Variants in STIM1 observed in about 807,000 individuals in gnomAD.
STIM1 encodes the protein stromal interaction molecule 1.
In STIM1, 25 loss-of-function variants were observed where a neutral mutation model predicts 74.7. The ratio of observed to expected loss-of-function variants is 0.33; its 90% CI spans 0.24 to 0.47. The LOEUF is 0.47. Ranked by LOEUF, STIM1 falls within the 20% of genes least tolerant of loss-of-function variation. STIM1 has a pLI of 1.00. For synonymous variants in STIM1, 328 were observed against 348.8 expected, an observed-to-expected ratio of 0.94 and a Z score of 0.66; for missense variants, 728 against 920.8, an observed-to-expected ratio of 0.79 and a Z score of 2.71.
intron 1 of STIM1, among the ~76,000 whole-genome samples, chr11:3,938,119 G>C (rs1427828490): frequency 2.0e-5 from 3 of 151,992 alleles, no homozygotes; most frequent in Non-Finnish European, 2.9e-5. Flanking sequence ...TGTATTTTTA[G>C]TAGAGACAGG....
intron 1 of STIM1, among the ~76,000 whole-genome samples, chr11:3,902,740 G>T (rs372830092): frequency 6.6e-6 from 1 of 152,188 alleles, no homozygotes; most frequent in Non-Finnish European, 1.5e-5. Flanking sequence ...GGAGAAGGTG[G>T]TATCCTGTAC....
chr11:4,001,517 T>A (rs866418992), intron 2 of STIM1, among the ~76,000 whole-genome samples: 1 of 152,082 alleles, frequency 6.6e-6, no homozygotes, highest in Admixed American at 6.6e-5. Context: ...AATAAAATAC[T>A]TTACAGACAA....
At chr11:3,880,275 G>A (rs1046630592) in intron 1 of STIM1, among the ~76,000 whole-genome samples, 1 of 152,184 alleles carries the variant, frequency 6.6e-6, no homozygotes, top group Non-Finnish European at 1.5e-5. Context: ...GGTGCCTGAA[G>A]GGCATTAGAA....
At chr11:4,068,275 T>C (rs2094381048) in intron 5 of STIM1, among the ~76,000 whole-genome samples, 1 of 152,202 alleles carries the variant, frequency 6.6e-6, no homozygotes, top group Non-Finnish European at 1.5e-5. Context: ...AGAAACCAAA[T>C]GAAATAACTA....
intron 5 of STIM1, 81 bp downstream of exon 5, chr11:4,059,477 T>C: frequency 1.7e-6 from 2 of 1,196,064 alleles, no homozygotes; most frequent in Non-Finnish European, 2.5e-6. Context: ...GCTAAGGCTC[T>C]GGGTCTCCTA....
At chr11:3,995,730 A>G (rs2093657357) in intron 2 of STIM1, among the ~76,000 whole-genome samples, 1 of 151,770 alleles carries the variant, frequency 6.6e-6, no homozygotes, top group African/African-American at 2.4e-5. Context: ...CTGCAGCCTC[A>G]ACCTCCTGGA....
chr11:4,037,460 G>T (rs1044755365), intron 3 of STIM1, among the ~76,000 whole-genome samples: 2 of 152,134 alleles, frequency 1.3e-5, no homozygotes, highest in Admixed American at 1.3e-4. Context: ...TTGAAGCTCT[G>T]TTACTAGGTG....
rs373673888 is a variant in STIM1, at chr11:3,982,143, C to T, written c.270+14461C>T. Among the ~76,000 whole-genome samples the T allele has an allele frequency of 6.2e-4, 93 of 150,190 alleles. 1 individual carries two copies. The South Asian group carries it at 0.019, about 31-fold the overall frequency. On this transcript the variant is annotated intron_variant, in intron 2 of 12. Transcript: ENST00000526596. ...CTGGGCTCAAGCAATCTTCCAACTA[C>T]AGCCTCCTGAGTAGCTGGGACTACA...
In STIM1 at chr11:4,083,515, C is replaced by T. The variant is rs2289570; in HGVS notation, c.1474+17C>T. The stretch of plus-strand genomic sequence containing the variant: ...CCATGCAGTGTAGGTGACCTCTTTG[C>T]GGGGATGAAGGAAGGAGCCTTTGAT... On this transcript the variant is annotated intron_variant, in intron 10 of 12. Transcript: ENST00000526596. 3 of 1,605,656 alleles carry T rather than the reference C, an allele frequency of 1.9e-6. No individual in the cohort carries two copies. The highest frequency in any genetic ancestry group is 1.3e-5 in the African/African-American group (1 of 74,674).
At chr11:3,916,490 C>T (rs527578149) in intron 1 of STIM1, among the ~76,000 whole-genome samples, 48 of 151,032 alleles carry the variant, frequency 3.2e-4, no homozygotes, top group African/African-American at 1.1e-3. Context: ...CACTCTTGTC[C>T]CCCAGGGTGG....
intron 1 of STIM1, among the ~76,000 whole-genome samples, chr11:3,941,694 AGAGTGT>A (rs1218357871): frequency 2.5e-4 from 36 of 142,008 alleles, no homozygotes; most frequent in Non-Finnish European, 4.9e-4. Flanking sequence ...AGAGAGAGAG[AGAGTGT>A]GTGTGTGTCT....
chr11:3,912,964 T>C (rs955495116), intron 1 of STIM1, among the ~76,000 whole-genome samples: 1 of 152,162 alleles, frequency 6.6e-6, no homozygotes, highest in Non-Finnish European at 1.5e-5. Flanking sequence ...AGCTGGAATA[T>C]GGTGAGATCT....
chr11:4,091,179 C>T (rs1229981372), intron 12 of STIM1, 103 bp from the exon 13 acceptor site: 6 of 1,537,752 alleles, frequency 3.9e-6, no homozygotes, highest in Non-Finnish European at 5.4e-6. Context: ...ATTTTCCTAC[C>T]CTGTCCTTGT....
chr11:4,010,930 C>T (rs1055565358), intron 2 of STIM1, among the ~76,000 whole-genome samples: 2 of 152,122 alleles, frequency 1.3e-5, no homozygotes, highest in African/African-American at 4.8e-5. Flanking sequence ...TGTATGTTCT[C>T]ATTGTTCAAC....
intron 3 of STIM1, among the ~76,000 whole-genome samples, chr11:4,044,020 A>G (rs2094170730): frequency 6.6e-6 from 1 of 152,146 alleles, no homozygotes; most frequent in African/African-American, 2.4e-5. Flanking sequence ...CTCAAAAAAA[A>G]AGAAAAAAAA....
At chr11:3,918,551 A>C (rs993592849) in intron 1 of STIM1, among the ~76,000 whole-genome samples, 1 of 151,770 alleles carries the variant, frequency 6.6e-6, no homozygotes, top group Non-Finnish European at 1.5e-5. Flanking sequence ...AAAAGAAAGA[A>C]AGAAAGAAAG....
At chr11:3,908,661 G>A (rs557066467) in intron 1 of STIM1, among the ~76,000 whole-genome samples, 1 of 151,360 alleles carries the variant, frequency 6.6e-6, no homozygotes, top group South Asian at 2.1e-4. Context: ...AAAGTTTAAA[G>A]CCTAGGTTTA....
rs2094526863 is a variant in STIM1, at chr11:4,091,776, T to C, written c.2129T>C (p.Phe710Ser). 1 of 1,607,284 alleles carries C rather than the reference T, an allele frequency of 6.2e-7. No homozygotes were observed. Among genetic ancestry groups the C allele is most frequent in the African/African-American group, 1.3e-5 (1 of 75,034 alleles). ...PGRKKFPLKI[F>S]KKPLKK is the part of the protein sequence containing the mutation. ...CGGAAGAAGTTTCCCCTCAAAATCT[T>C]TAAGAAGCCTCTTAAGAAGTAGGCA... The change falls in exon 13 of 13, where the codon TTT becomes TCT. Residue 710 changes from phenylalanine (F) to serine (S), a missense_variant. This residue lies in a region of STIM1 where 352 missense variants were observed against 370.1 expected (regional missense o/e 0.95). Coordinates refer to ENST00000526596, the MANE Select transcript of STIM1 (RefSeq NM_001382567.1).
chr11:4,072,732 G>A (rs10500593), intron 6 of STIM1, among the ~76,000 whole-genome samples: 7,252 of 152,298 alleles, frequency 0.048, 435 homozygotes, highest in East Asian at 0.23. Flanking sequence ...TTCATAAAAG[G>A]ACAGTATTTC....
Sources: gnomAD v4.1 joint callset for allele counts (sites outside exome capture counted in the v4.1 genomes callset) on GRCh38, gnomAD v4.1.1 for gene constraint, gnomAD v4.1.1 regional missense constraint, MANE v1.5 for transcripts, NCBI Gene and HGNC (gene_info 2026-07-23, HGNC 2026-07-21) for gene names.